ASTN2: variants seen among roughly 807,000 people sequenced by gnomAD.
The protein encoded by ASTN2 is astrotactin-2.
Under a neutral mutation model 139.8 loss-of-function variants are expected in ASTN2, and 54 were observed. The ratio of observed to expected loss-of-function variants is 0.39; its 90% CI spans 0.31 to 0.48. The LOEUF (loss-of-function observed/expected upper bound fraction) is 0.48. ASTN2 is among the 20% of genes least tolerant of loss of function. The pLI is 0.95. For missense variants in ASTN2, 1,565 were observed against 1,725.1 expected, an observed-to-expected ratio of 0.91 and a Z score of 1.64; for synonymous variants, 756 against 719.5, an observed-to-expected ratio of 1.05 and a Z score of -0.81.
In ASTN2 at chr9:117,388,473, A is replaced by T. The variant is rs1830457989; in HGVS notation, c.442+26024T>A. ...ATCCTAGTGGGAGTGCTCTGATGAG[A>T]CTGTGTGCTGGTTATTGCTCCCAAG... On this transcript the variant is annotated intron_variant, in intron 1 of 22. Coordinates refer to ENST00000313400, the MANE Select transcript of ASTN2 (RefSeq NM_001365068.1). 2.0e-5 allele frequency among the ~76,000 whole-genome samples: 3 copies of T among 152,178 alleles called. 1 individual carries two copies. The South Asian group carries it at 6.2e-4, about 32-fold the overall frequency.
intron 16 of ASTN2, among the ~76,000 whole-genome samples, chr9:116,708,535 C>G (rs1013699851): frequency 2.6e-5 from 4 of 152,148 alleles, no homozygotes; most frequent in Admixed American, 1.3e-4. Context: ...ACAGTAAACA[C>G]TGATCATACT....
intron 5 of ASTN2, among the ~76,000 whole-genome samples, chr9:117,058,609 A>T (rs1258533001): frequency 6.6e-6 from 1 of 152,232 alleles, no homozygotes; most frequent in Non-Finnish European, 1.5e-5. Context: ...CTGTATCTAT[A>T]CTGCCTCCTA....
intron 20 of ASTN2, among the ~76,000 whole-genome samples, chr9:116,449,935 C>A (rs1309299558): frequency 6.6e-6 from 1 of 152,174 alleles, no homozygotes; most frequent in Non-Finnish European, 1.5e-5. Context: ...CTTTTGAATT[C>A]TTGCAGTTGA....
At chr9:116,693,829 A>T (rs10983305) in intron 16 of ASTN2, among the ~76,000 whole-genome samples, 1 of 152,096 alleles carries the variant, frequency 6.6e-6, no homozygotes, top group Non-Finnish European at 1.5e-5. Context: ...AGTCAAATTG[A>T]CCTTCTATCT....
intron 11 of ASTN2, among the ~76,000 whole-genome samples, chr9:116,827,509 A>G (rs1009575772): frequency 6.6e-5 from 10 of 152,074 alleles, no homozygotes; most frequent in African/African-American, 9.7e-5. Flanking sequence ...AAGAAAAGAG[A>G]GAAGACTCAA....
At chr9:117,324,642 AC>A (rs766711700) in intron 1 of ASTN2, among the ~76,000 whole-genome samples, 3 of 152,180 alleles carry the variant, frequency 2.0e-5, no homozygotes, top group Non-Finnish European at 4.4e-5. Context: ...GGGGACACAG[AC>A]AAACCATATC....
chr9:116,523,203 C>CT lies in ASTN2; in HGVS notation c.3356-35704dup, dbSNP rs775154721. ...CAAGCCCATTATATAATTCAGAGAC[C>CT]TTTTTTTTTTTTTAACGACAGTTAT... On this transcript the variant is annotated intron_variant, in intron 19 of 22. Coordinates refer to ENST00000313400, the MANE Select transcript of ASTN2 (RefSeq NM_001365068.1). Among the ~76,000 whole-genome samples the CT allele has an allele frequency of 2.4e-3, 344 of 144,906 alleles. 1 individual carries two copies. Among genetic ancestry groups the CT allele is most frequent in the Admixed American group, 3.6e-3 (52 of 14,364 alleles).
chr9:117,165,850 G>A (rs1190024113), intron 3 of ASTN2, among the ~76,000 whole-genome samples: 2 of 152,096 alleles, frequency 1.3e-5, no homozygotes, highest in Admixed American at 6.5e-5. Context: ...GGAACTAAAT[G>A]TAAAACATCT....
intron 1 of ASTN2, among the ~76,000 whole-genome samples, chr9:117,323,957 C>T (rs1222184652): frequency 6.6e-6 from 1 of 152,022 alleles, no homozygotes; most frequent in East Asian, 1.9e-4. Flanking sequence ...GGACACCATG[C>T]TAAATTCAGG....
chr9:117,161,055 A>G (rs1438134559), intron 3 of ASTN2, among the ~76,000 whole-genome samples: 1 of 152,084 alleles, frequency 6.6e-6, no homozygotes, highest in Non-Finnish European at 1.5e-5. Flanking sequence ...AACCACTGCA[A>G]TTCTCAAGGG....
intron 20 of ASTN2, among the ~76,000 whole-genome samples, chr9:116,456,628 G>A (rs1043288785): frequency 4.6e-5 from 7 of 152,150 alleles, no homozygotes; most frequent in Non-Finnish European, 7.3e-5. Flanking sequence ...GATGGCAGCA[G>A]GCAAAGAGAG....
chr9:116,889,720 TACACACACACACACACACACACAC>T (rs9299242), intron 10 of ASTN2, among the ~76,000 whole-genome samples: 27 of 136,670 alleles, frequency 2.0e-4, no homozygotes, highest in Admixed American at 7.6e-4. Flanking sequence ...ACCTTGTCTC[TACACACACACACACACACACACAC>T]ACACACACAC....
intron 10 of ASTN2, among the ~76,000 whole-genome samples, chr9:116,973,507 T>C (rs2132522248): frequency 6.6e-6 from 1 of 152,314 alleles, no homozygotes; most frequent in Admixed American, 6.5e-5. Context: ...GAGAGCTGCA[T>C]CATCTGAATC....
At chr9:117,396,201 C>A (rs1312038524) in intron 1 of ASTN2, among the ~76,000 whole-genome samples, 1 of 152,168 alleles carries the variant, frequency 6.6e-6, no homozygotes. Context: ...ATATCTAAAG[C>A]CTCAGCCACT....
At chr9:117,333,386 T>A (rs868094215) in intron 1 of ASTN2, among the ~76,000 whole-genome samples, 1 of 152,110 alleles carries the variant, frequency 6.6e-6, no homozygotes, top group Non-Finnish European at 1.5e-5. Flanking sequence ...AAAACCTGAT[T>A]TTTTCAACAT....
intron 4 of ASTN2, among the ~76,000 whole-genome samples, chr9:117,121,863 C>T (rs542137084): frequency 1.8e-4 from 28 of 152,250 alleles, no homozygotes; most frequent in African/African-American, 5.8e-4. Context: ...TGAGGGTAGA[C>T]GTGCTACACA....
Position 117,180,570 on chromosome 9 carries a change from A to T in ASTN2, c.1015+33788T>A, listed in dbSNP as rs1054855566. 5.2e-6 allele frequency: 4 copies of T among 775,930 alleles called. No individual in the cohort carries two copies. The Admixed American group carries it at 1.0e-4, about 20-fold the overall frequency. The allele number at this position is 775,930 out of a possible 1,614,324, so 48.1% of individuals were successfully genotyped here. On this transcript the variant is annotated intron_variant, in intron 3 of 22. Transcript: ENST00000313400. ...ATATTTCAGCACACTCACAGCAATC[A>T]TTTATTGACTGCTTACTATGCACCG...
rs1320628240 is a variant in ASTN2, at chr9:116,698,127, C to T, written c.2806+27644G>A. 8 of 1,614,134 alleles carry T rather than the reference C, an allele frequency of 5.0e-6. No individual in the cohort carries two copies. Among genetic ancestry groups the T allele is most frequent in the Non-Finnish European group, 5.9e-6 (7 of 1,180,038 alleles). On this transcript the variant is annotated intron_variant, in intron 16 of 22. Transcript: ENST00000313400. The surrounding 1 kb of genome is among the most constrained non-coding windows in gnomAD (Gnocchi z 4.4). Reference sequence around the variant, plus strand: ...TGAGCCCTGCCGGGAGGCAGACCATCAGCCTCCTGGCCACTGTACACTCCC... The same window carrying T: ...TGAGCCCTGCCGGGAGGCAGACCATTAGCCTCCTGGCCACTGTACACTCCC...
chr9:117,194,007 C>T (rs908228396), intron 3 of ASTN2, among the ~76,000 whole-genome samples: 18 of 152,034 alleles, frequency 1.2e-4, no homozygotes, highest in African/African-American at 4.4e-4. Context: ...GATAGAGCAT[C>T]GTACAGAAAT....
Sources: allele counts gnomAD v4.1 joint callset (sites outside exome capture counted in the v4.1 genomes callset), GRCh38; gene constraint gnomAD v4.1.1; non-coding constraint Gnocchi (gnomAD v3.1); transcripts MANE v1.5; gene names NCBI Gene and HGNC (gene_info 2026-07-23, HGNC 2026-07-21).